Variants in TENM2 observed in about 807,000 individuals in gnomAD.
TENM2 encodes teneurin transmembrane protein 2.
A neutral mutation model predicts 245.2 loss-of-function variants in TENM2; 52 were observed. The ratio of observed to expected loss-of-function variants is 0.21; its 90% confidence interval spans 0.17 to 0.27. TENM2 has a LOEUF of 0.27. Ranked by LOEUF, TENM2 falls within the 10% of genes least tolerant of loss-of-function variation. The pLI, the probability that TENM2 is intolerant of heterozygous loss-of-function variation, is 1.00. For missense variants in TENM2, 3,046 were observed against 3,666.8 expected, an observed-to-expected ratio of 0.83 and a Z score of 4.37; for synonymous variants, 1,363 against 1,438.9, an observed-to-expected ratio of 0.95 and a Z score of 1.19.
chr5:167,511,951 T>G (rs1769984420), intron 2 of TENM2, among the ~76,000 whole-genome samples: 1 of 152,156 alleles, frequency 6.6e-6, no homozygotes, highest in African/African-American at 2.4e-5. Context: ...TCTTAGAAAG[T>G]CATTGTCAGC....
At chr5:167,236,285 T>A in the TENM2 span, among the ~76,000 whole-genome samples, 1 of 152,192 alleles carries the variant, frequency 6.6e-6, no homozygotes, top group Non-Finnish European at 1.5e-5. Context: ...TGTGTGTGTA[T>A]GTGCGTGTAT....
chr5:167,941,163 T>C (rs1779144834), intron 3 of TENM2, among the ~76,000 whole-genome samples: 1 of 152,224 alleles, frequency 6.6e-6, no homozygotes. Context: ...TGGATTGCAA[T>C]GATAGAGCAA....
chr5:167,890,601 A>G (rs1774670081), intron 3 of TENM2, among the ~76,000 whole-genome samples: 1 of 152,160 alleles, frequency 6.6e-6, no homozygotes, highest in Non-Finnish European at 1.5e-5. Flanking sequence ...CCTTCCTGAA[A>G]TAATAACATG....
At chr5:167,542,691 A>G (rs1005222965) in intron 2 of TENM2, among the ~76,000 whole-genome samples, 2 of 152,166 alleles carry the variant, frequency 1.3e-5, no homozygotes, top group Non-Finnish European at 2.9e-5. Flanking sequence ...TTTTTCCCCC[A>G]AACAAGAACT....
At chr5:167,376,772 T>C (rs1057265612) in intron 2 of TENM2, among the ~76,000 whole-genome samples, 1 of 152,182 alleles carries the variant, frequency 6.6e-6, no homozygotes, top group African/African-American at 2.4e-5. Flanking sequence ...TTTGACACTC[T>C]GAGGTGCTTA....
At chr5:167,591,456 C>G (rs1775870688) in intron 2 of TENM2, among the ~76,000 whole-genome samples, 1 of 152,206 alleles carries the variant, frequency 6.6e-6, no homozygotes, top group Non-Finnish European at 1.5e-5. Context: ...GGCAGGCTTT[C>G]TTCCAATTAA....
chr5:167,437,994 T>C (rs1358319808), intron 2 of TENM2, among the ~76,000 whole-genome samples: 1 of 152,176 alleles, frequency 6.6e-6, no homozygotes, highest in African/African-American at 2.4e-5. Flanking sequence ...AGAGAACACA[T>C]CTCTTTAACA....
chr5:168,119,812 C>G (rs1795346208), intron 10 of TENM2, among the ~76,000 whole-genome samples: 1 of 152,154 alleles, frequency 6.6e-6, no homozygotes, highest in Admixed American at 6.5e-5. Flanking sequence ...AAAAGTGAAG[C>G]CCCTGCCTAT....
At chr5:167,332,417 T>C (rs1757512444) in intron 1 of TENM2, among the ~76,000 whole-genome samples, 1 of 152,144 alleles carries the variant, frequency 6.6e-6, no homozygotes, top group South Asian at 2.1e-4. Flanking sequence ...AGTTGGATCA[T>C]GATGAGGGTT....
the TENM2 span, among the ~76,000 whole-genome samples, chr5:167,029,530 G>A: frequency 1.3e-5 from 2 of 152,166 alleles, no homozygotes; most frequent in Admixed American, 6.5e-5. Flanking sequence ...AGCACTGGGA[G>A]TTAAGACTAG....
chr5:168,246,880 G>A (rs774907725), exon 27 of TENM2: 11 of 1,613,864 alleles, frequency 6.8e-6, no homozygotes, highest in Admixed American at 3.3e-5. Context: ...CACCTCCATC[G>A]GCTACATCCG....
At chr5:167,576,683 C>G (rs530380369) in intron 2 of TENM2, among the ~76,000 whole-genome samples, 24 of 152,054 alleles carry the variant, frequency 1.6e-4, no homozygotes, top group Non-Finnish European at 3.4e-4. Context: ...ATAGAATACC[C>G]TGAGAAGAGT....
the TENM2 span, among the ~76,000 whole-genome samples, chr5:167,163,104 C>T: frequency 6.6e-6 from 1 of 152,156 alleles, no homozygotes; most frequent in African/African-American, 2.4e-5. Context: ...TGGTAACCTC[C>T]TTTTTTATTC....
At chr5:168,116,991 G>T (rs574019119) in intron 9 of TENM2, among the ~76,000 whole-genome samples, 30 of 152,286 alleles carry the variant, frequency 2.0e-4, no homozygotes, top group African/African-American at 7.0e-4. Flanking sequence ...AGGATTTTAG[G>T]CCCAAATTTG....
chr5:167,929,356 G>T (rs1174104765), intron 3 of TENM2, among the ~76,000 whole-genome samples: 1 of 152,136 alleles, frequency 6.6e-6, no homozygotes, highest in Non-Finnish European at 1.5e-5. Flanking sequence ...AGCCTATCTT[G>T]CTTGCCAATG....
At chr5:167,638,447 T>G (rs542339400) in intron 2 of TENM2, among the ~76,000 whole-genome samples, 2 of 152,258 alleles carry the variant, frequency 1.3e-5, no homozygotes, top group East Asian at 1.9e-4. Flanking sequence ...ATTTTCTGAT[T>G]GATGGTGAGT....
chr5:167,955,997 A>G (rs900281061), intron 4 of TENM2, among the ~76,000 whole-genome samples: 8 of 152,174 alleles, frequency 5.3e-5, no homozygotes, highest in African/African-American at 1.7e-4. Context: ...GTTTTTTCTA[A>G]TTCTGTGAAG....
the TENM2 span, among the ~76,000 whole-genome samples, chr5:167,067,512 T>C: frequency 5.9e-5 from 9 of 152,156 alleles, no homozygotes; most frequent in Non-Finnish European, 1.2e-4. Context: ...TGAAATGCTG[T>C]CTTAAAGAGT....
the TENM2 span, among the ~76,000 whole-genome samples, chr5:167,063,886 A>AT: frequency 6.6e-6 from 1 of 152,142 alleles, no homozygotes; most frequent in Non-Finnish European, 1.5e-5. Context: ...GATAGTTAGG[A>AT]TTTTAGATTA....
Sources: gnomAD v4.1 joint callset for allele counts (sites outside exome capture counted in the v4.1 genomes callset) on GRCh38, gnomAD v4.1.1 for gene constraint, MANE v1.5 for transcripts, NCBI Gene and HGNC (gene_info 2026-07-23, HGNC 2026-07-21) for gene names.